The following MAB21L3 variants were observed in gnomAD, a reference collection of about 807,000 sequenced individuals.
MAB21L3 encodes the protein mab-21 like 3, also known as protein mab-21-like 3.
A neutral mutation model predicts 37.7 loss-of-function variants in MAB21L3; 36 were observed. That is an observed-to-expected ratio of 0.96 (90% confidence interval 0.73 to 1.26). The LOEUF is 1.26. Among genes scored for constraint, MAB21L3 ranks in the 50% most tolerant of loss-of-function variants. The pLI is 0.00. For synonymous variants in MAB21L3, 186 were observed against 176.8 expected (o/e 1.05, Z -0.41); for missense variants, 430 against 447.3 (o/e 0.96, Z 0.35).
At chr1:116,115,672 C>T (rs576776389) in intron 3 of MAB21L3, among the ~76,000 whole-genome samples, 5 of 152,262 alleles carry the variant, frequency 3.3e-5, no homozygotes, top group South Asian at 2.1e-4. Flanking sequence ...GGAAGCGTAT[C>T]GGAATGCAAG....
intron 7 of MAB21L3, among the ~76,000 whole-genome samples, chr1:116,130,159 T>C (rs180797831): frequency 1.6e-4 from 24 of 152,362 alleles, no homozygotes; most frequent in Middle Eastern, 3.4e-3. Flanking sequence ...GGAAATACCA[T>C]TCGGTGACAT....
intron 7 of MAB21L3, among the ~76,000 whole-genome samples, chr1:116,130,375 AT>A (rs201914722): frequency 3.3e-5 from 5 of 152,104 alleles, no homozygotes; most frequent in East Asian, 1.9e-4. Context: ...AAGGATGGGC[AT>A]TTTTTTTAAG....
At chr1:116,124,884 CACACAT>C (rs1174217770) in intron 5 of MAB21L3, among the ~76,000 whole-genome samples, 8,285 of 134,934 alleles carry the variant, frequency 0.061, 298 homozygotes, top group East Asian at 0.13. Flanking sequence ...CACACACACA[CACACAT>C]ACACACACAC....
intron 3 of MAB21L3, among the ~76,000 whole-genome samples, chr1:116,119,884 A>C (rs750859483): frequency 1.3e-5 from 2 of 152,170 alleles, no homozygotes; most frequent in Non-Finnish European, 2.9e-5. Flanking sequence ...AATTCTTCAT[A>C]ACTCACTGTG....
rs1049627755 is a variant in MAB21L3, at chr1:116,133,521, A to G, written c.*156A>G. On this transcript the variant is annotated 3_prime_UTR_variant, in exon 8 of 8. Transcript: ENST00000369500. ...AACCAGAAACACTTCAGCAGGGGGAAAACTGTGCCCCAGGATGTCTGGCCC... is the reference window on the plus strand; with the variant it reads ...AACCAGAAACACTTCAGCAGGGGGAGAACTGTGCCCCAGGATGTCTGGCCC... 2 of 687,616 alleles carry G rather than the reference A, an allele frequency of 2.9e-6. No individual in the cohort carries two copies. Among genetic ancestry groups the G allele is most frequent in the Admixed American group, 2.8e-5 (1 of 36,250 alleles). The allele number at this position is 687,616 out of a possible 1,614,324, so 42.6% of individuals were successfully genotyped here.
intron 3 of MAB21L3, 115 bp downstream of exon 3, chr1:116,112,778 C>A: frequency 9.8e-7 from 1 of 1,016,660 alleles, no homozygotes; most frequent in Non-Finnish European, 1.5e-6. Context: ...AAATGCTCCT[C>A]AGAAAACAGA....
At chr1:116,117,167 A>G (rs1659611440) in intron 3 of MAB21L3, among the ~76,000 whole-genome samples, 1 of 111,682 alleles carries the variant, frequency 9.0e-6, no homozygotes, top group Non-Finnish European at 2.0e-5. Context: ...ACATACATAT[A>G]TATATATATA....
Position 116,112,516 on chromosome 1 carries a change from A to C in MAB21L3, c.-100A>C. The C allele has an allele frequency of 5.7e-6, 6 of 1,052,244 alleles. No individual in the cohort carries two copies. Among genetic ancestry groups the C allele is most frequent in the Non-Finnish European group, 8.7e-6 (6 of 689,168 alleles). 65.2% of individuals were successfully genotyped at this position (1,052,244 alleles called of 1,614,324 possible). On this transcript the variant is annotated 5_prime_UTR_variant, in exon 3 of 8. Transcript: ENST00000369500. The stretch of plus-strand genomic sequence containing the variant: ...AGAAAAACTTAGTACCCAGAGACTC[A>C]CATTACTGGGAGTGCTATCTACTCA...
intron 4 of MAB21L3, 103 bp downstream of exon 4, chr1:116,121,175 T>C: frequency 8.8e-7 from 1 of 1,133,124 alleles, no homozygotes; most frequent in Middle Eastern, 2.0e-4. Flanking sequence ...AGAATACTCA[T>C]AACAATTCTT....
At position 116,112,448 on chromosome 1, in the gene MAB21L3, T is replaced by G. The variant is rs141847460; in HGVS notation, c.-168T>G. On this transcript the variant is annotated 5_prime_UTR_variant, in exon 3 of 8. Coordinates refer to ENST00000369500, the MANE Select transcript of MAB21L3 (RefSeq NM_152367.3). ...CACAATTTGGAAATAAAAACATGAG[T>G]GAAGGGTTCGGAAGGCAAGTCTCTG... 220 of 500,184 alleles carry G rather than the reference T, an allele frequency of 4.4e-4. No individual in the cohort carries two copies. The highest frequency in any genetic ancestry group is 3.5e-3 in the African/African-American group (185 of 52,488). The allele number at this position is 500,184 out of a possible 1,614,324, so 31.0% of individuals were successfully genotyped here. A position where few individuals can be genotyped will look rare whatever the true frequency, so the allele number is the denominator to read the frequency against.
Position 116,135,048 on chromosome 1 carries a change from T to C in MAB21L3, c.*1683T>C, listed in dbSNP as rs1660172613. On this transcript the variant is annotated 3_prime_UTR_variant, in exon 8 of 8. Coordinates refer to ENST00000369500, the MANE Select transcript of MAB21L3 (RefSeq NM_152367.3). ...CAGGAAAGATCCAAAATTGACACCC[T>C]AACATCACAATTAAAAGAACTAGAA... 1 of 151,992 alleles carries C rather than the reference T, an allele frequency of 6.6e-6. No individual in the cohort carries two copies. Among genetic ancestry groups the C allele is most frequent in the Non-Finnish European group, 1.5e-5 (1 of 68,018 alleles). The allele number at this position is 151,992 out of a possible 1,614,324, so 9.4% of individuals were successfully genotyped here.
chr1:116,126,271 C>T (rs1659905908), intron 5 of MAB21L3, among the ~76,000 whole-genome samples: 1 of 152,054 alleles, frequency 6.6e-6, no homozygotes, highest in South Asian at 2.1e-4. Flanking sequence ...CAAACAAAAA[C>T]TGTACCTTTT....
chr1:116,132,213 T>G (rs1480260247), intron 7 of MAB21L3, among the ~76,000 whole-genome samples: 1 of 152,066 alleles, frequency 6.6e-6, no homozygotes, highest in Non-Finnish European at 1.5e-5. Context: ...GGAGGCAACA[T>G]AGAGCTGAGG....
At chr1:116,125,842 A>C (rs1659894466) in intron 5 of MAB21L3, among the ~76,000 whole-genome samples, 1 of 149,300 alleles carries the variant, frequency 6.7e-6, no homozygotes, top group South Asian at 2.1e-4. Flanking sequence ...CACACCTCAT[A>C]AGCAGAGCCA....
chr1:116,125,772 TA>T (rs539087175), intron 5 of MAB21L3, among the ~76,000 whole-genome samples: 1 of 146,076 alleles, frequency 6.8e-6, no homozygotes, highest in African/African-American at 2.8e-5. Context: ...ATTCTTTTCC[TA>T]CCTGTTTTAG....
chr1:116,125,023 CAAA>C (rs34794672), intron 5 of MAB21L3, among the ~76,000 whole-genome samples: 1 of 143,356 alleles, frequency 7.0e-6, no homozygotes, highest in African/African-American at 2.5e-5. Context: ...AGATAATTAC[CAAA>C]AAAAAAAAAG....
intron 7 of MAB21L3, among the ~76,000 whole-genome samples, chr1:116,129,649 T>G (rs1164210548): frequency 6.6e-6 from 1 of 152,252 alleles, no homozygotes; most frequent in African/African-American, 2.4e-5. Context: ...CATGCTGACC[T>G]AACTCGATGT....
intron 6 of MAB21L3, 82 bp from the exon 7 acceptor site, chr1:116,128,063 C>A: frequency 6.9e-7 from 1 of 1,445,702 alleles, no homozygotes; most frequent in Non-Finnish European, 9.4e-7. Flanking sequence ...GTTCCCCAGA[C>A]CAGCAGACTG....
At chr1:116,127,402 G>C in intron 5 of MAB21L3, 64 bp from the exon 6 acceptor site, 1 of 1,524,342 alleles carries the variant, frequency 6.6e-7, no homozygotes, top group Non-Finnish European at 8.9e-7. Flanking sequence ...CAAATTTCTT[G>C]TTTGAACGCT....
Sources: allele counts gnomAD v4.1 joint callset (sites outside exome capture counted in the v4.1 genomes callset), GRCh38; gene constraint gnomAD v4.1.1; transcripts MANE v1.5; gene names NCBI Gene and HGNC (gene_info 2026-07-23, HGNC 2026-07-21).